The following TECTA variants were observed in gnomAD, a reference collection of about 807,000 sequenced individuals.
TECTA encodes tectorin alpha.
Under a neutral mutation model 216.8 loss-of-function variants are expected in TECTA, and 128 were observed. The observed-to-expected ratio is 0.59, with a 90% CI of 0.51 to 0.68. TECTA has a LOEUF of 0.68. TECTA is among the 30% of genes least tolerant of loss of function. TECTA has a pLI of 0.00. For missense variants in TECTA, 2,551 were observed against 2,786.2 expected, an observed-to-expected ratio of 0.92 and a Z score of 1.90; for synonymous variants, 1,089 against 1,117.1, an observed-to-expected ratio of 0.97 and a Z score of 0.50.
chr11:121,131,270 G>A (rs975052538), intron 10 of TECTA, among the ~76,000 whole-genome samples: 3 of 148,950 alleles, frequency 2.0e-5, no homozygotes, highest in East Asian at 2.0e-4. Context: ...TCTGTCCTCC[G>A]TTTTTAATTG....
chr11:121,123,765 C>A (rs1023279039), intron 7 of TECTA, among the ~76,000 whole-genome samples: 1 of 152,222 alleles, frequency 6.6e-6, no homozygotes, highest in Non-Finnish European at 1.5e-5. Context: ...CCTGGGCTCT[C>A]CATCTTGCTC....
In TECTA at chr11:121,162,438, G is replaced by A. The variant is rs546584091; in HGVS notation, c.5272+68G>A. ...AAAGAACAGCTTTGCTGGTAGCATT[G>A]CTTTTTCTAGGGATGACTGGTCCTC... is the stretch of plus-strand genomic sequence containing the variant. On this transcript the variant is annotated intron_variant, in intron 16 of 23. Transcript: ENST00000392793. 3.2e-4 allele frequency: 493 copies of A among 1,535,828 alleles called. 3 individuals carry two copies. The African/African-American group carries it at 5.8e-3, about 18-fold the overall frequency.
chr11:121,122,723 T>G (rs1198668775), intron 7 of TECTA, among the ~76,000 whole-genome samples: 1 of 145,600 alleles, frequency 6.9e-6, no homozygotes, highest in Admixed American at 6.8e-5. Flanking sequence ...TGTTGTGGCA[T>G]GCACCTGTAG....
At chr11:121,111,213 A>G (rs1946438768) in intron 4 of TECTA, among the ~76,000 whole-genome samples, 1 of 152,210 alleles carries the variant, frequency 6.6e-6, no homozygotes, top group South Asian at 2.1e-4. Flanking sequence ...ACCCTCCCCA[A>G]AATGTTCCCG....
Position 121,113,818 on chromosome 11 carries a change from A to G in TECTA, c.790+100A>G, listed in dbSNP as rs1946469551. 1.4e-6 allele frequency: 2 copies of G among 1,381,098 alleles called. No homozygotes were observed. The highest frequency in any genetic ancestry group is 2.0e-6 in the Non-Finnish European group (2 of 987,898). The allele number at this position is 1,381,098 out of a possible 1,614,324, so 85.6% of individuals were successfully genotyped here. A position where few individuals can be genotyped will look rare whatever the true frequency, so the allele number is the denominator to read the frequency against. ...GGGGCGGACTCATTCCTGATGCCTT[A>G]CTCTTTTGACATCTCTCCGCTGGGT... On this transcript the variant is annotated intron_variant, in intron 6 of 23. Transcript: ENST00000392793. This position sits in a 1 kb window ranked among gnomAD's most constrained non-coding sequence, Gnocchi z 4.2.
intron 3 of TECTA, among the ~76,000 whole-genome samples, chr11:121,106,501 A>T (rs922277027): frequency 5.3e-5 from 8 of 152,192 alleles, no homozygotes; most frequent in Admixed American, 3.9e-4. Context: ...ACACTAAGAA[A>T]TGGTCCCATT....
chr11:121,153,352 C>T (rs1209297843), intron 13 of TECTA, among the ~76,000 whole-genome samples: 1 of 152,222 alleles, frequency 6.6e-6, no homozygotes, highest in Non-Finnish European at 1.5e-5. Context: ...CCCCTACTCA[C>T]TCACATTTGT....
chr11:121,132,575 G>C (rs866304523), intron 10 of TECTA, among the ~76,000 whole-genome samples: 2 of 152,242 alleles, frequency 1.3e-5, no homozygotes, highest in Middle Eastern at 6.8e-3. Context: ...GGAAGTGCAT[G>C]TATGTGCCTA....
chr11:121,130,299 G>A (rs1209762580), intron 10 of TECTA, 88 bp downstream of exon 10: 12 of 1,463,044 alleles, frequency 8.2e-6, no homozygotes, highest in African/African-American at 1.4e-5. Context: ...CTTCCAGGTG[G>A]GACTGAGCTC....
rs1946830694 is a variant in TECTA, at chr11:121,145,870, T to C, written c.3859T>C (p.Ser1287Pro). ...CQVGCGDRCP[S>P]CAKVEGFSKV... ...GGTGGGCTGTGGGGACCGCTGTCCGTCCTGTGCCAAGGTGGAAGGTTTCTC... is the reference window on the plus strand; with the variant it reads ...GGTGGGCTGTGGGGACCGCTGTCCGCCCTGTGCCAAGGTGGAAGGTTTCTC... The change falls in exon 12 of 24, where the codon TCC becomes CCC. Residue 1287 changes from serine to proline, a missense_variant. Ser to Pro is a moderately conservative substitution (Grantham distance 74, BLOSUM62 -1). This residue lies in a region of TECTA where 2,375 missense variants were observed against 2,563.9 expected (regional missense o/e 0.93). Coordinates refer to ENST00000392793, the MANE Select transcript of TECTA (RefSeq NM_005422.4). 6.2e-7 allele frequency: 1 copy of C among 1,614,230 alleles called. No individual in the cohort carries two copies. Among genetic ancestry groups the C allele is most frequent in the Non-Finnish European group, 8.5e-7 (1 of 1,180,026 alleles).
chr11:121,189,028 A>C, intron 21 of TECTA, 52 bp from the exon 22 acceptor site: 2 of 1,581,990 alleles, frequency 1.3e-6, no homozygotes, highest in Non-Finnish European at 1.7e-6. Context: ...GGTGAAGAAT[A>C]AGTTATCAGC....
chr11:121,148,301 C>T (rs1213459604), intron 12 of TECTA, among the ~76,000 whole-genome samples: 1 of 152,196 alleles, frequency 6.6e-6, no homozygotes. Context: ...GAGACTTAGA[C>T]CTTCCCTACC....
intron 6 of TECTA, among the ~76,000 whole-genome samples, chr11:121,117,679 A>G (rs944362754): frequency 3.3e-5 from 5 of 152,182 alleles, no homozygotes; most frequent in Admixed American, 3.3e-4. Flanking sequence ...AAAGAAGACA[A>G]TTTGTGTAGG....
intron 6 of TECTA, among the ~76,000 whole-genome samples, chr11:121,116,918 T>C (rs994505175): frequency 1.3e-5 from 2 of 152,214 alleles, no homozygotes; most frequent in South Asian, 2.1e-4. Flanking sequence ...ACATGACTTA[T>C]TGGGAATGTG....
At chr11:121,103,319 G>C (rs1946363428) in intron 2 of TECTA, among the ~76,000 whole-genome samples, 1 of 152,188 alleles carries the variant, frequency 6.6e-6, no homozygotes, top group Non-Finnish European at 1.5e-5. Flanking sequence ...TTTAGACAAA[G>C]ACGGGGCGGT....
rs374485876 is a variant in TECTA, at chr11:121,137,906, G to A, written c.3427G>A (p.Val1143Ile). 8.1e-6 allele frequency: 13 copies of A among 1,602,496 alleles called. No individual in the cohort carries two copies. In the African/African-American group the frequency reaches 1.1e-4, roughly 13 times the overall value. Residue 1143 changes from valine (V) to isoleucine (I), a missense_variant, in exon 11 of 24, where the codon GTC (valine) becomes ATC (isoleucine). By Grantham distance (29) the Val-to-Ile change is conservative. Transcript: ENST00000392793. ...CTCAGACTCTTTCCCCAAGTTTGTTGTCACAGCCAAGAATGAGGACCGGGA... is the reference window on the plus strand; with the variant it reads ...CTCAGACTCTTTCCCCAAGTTTGTTATCACAGCCAAGAATGAGGACCGGGA... ...PSSDSFPKFV[V>I]TAKNEDRDPS...
intron 3 of TECTA, among the ~76,000 whole-genome samples, chr11:121,107,631 G>T (rs1311031239): frequency 6.6e-6 from 1 of 152,152 alleles, no homozygotes; most frequent in Non-Finnish European, 1.5e-5. Flanking sequence ...AAGAATTGCA[G>T]TTCCCATTAC....
rs1454357426 is a variant in TECTA at position 121,128,269 on chromosome 11, T to C, written c.2292T>C (p.Ala764=). The part of the protein sequence containing the change: ...INKKKPDAGP[A]WLRGLRILVA... ...AGAAGAAGCCCGATGCAGGACCTGC[T>C]TGGCTGCGGGGACTTCGGATCCTGG... The change falls in exon 9 of 24, where the codon GCT becomes GCC. Residue 764 remains alanine (A), a synonymous_variant. Transcript: ENST00000392793. The C allele has an allele frequency of 6.3e-7, 1 of 1,599,878 alleles. No individual in the cohort carries two copies. The highest frequency in any genetic ancestry group is 1.7e-5 in the Admixed American group (1 of 60,026).
intron 20 of TECTA, among the ~76,000 whole-genome samples, chr11:121,171,768 C>G (rs993295760): frequency 1.2e-4 from 19 of 152,102 alleles, no homozygotes; most frequent in African/African-American, 4.3e-4. Context: ...GTTTTTATGT[C>G]CTGCAACTTT....
Sources: allele counts gnomAD v4.1 joint callset (sites outside exome capture counted in the v4.1 genomes callset), GRCh38; gene constraint gnomAD v4.1.1; regional missense constraint gnomAD v4.1.1; non-coding constraint Gnocchi (gnomAD v3.1); transcripts MANE v1.5; gene names NCBI Gene and HGNC (gene_info 2026-07-23, HGNC 2026-07-21).